The following RXRA variants were observed in gnomAD, a reference collection of about 807,000 sequenced individuals.
RXRA encodes retinoic acid receptor RXR-alpha.
In RXRA, 5 loss-of-function variants were observed where a neutral mutation model predicts 44.5. That is an observed-to-expected ratio of 0.11 (90% CI 0.06 to 0.24). RXRA has a LOEUF of 0.24. Among genes scored for constraint, RXRA ranks in the 10% least tolerant of loss-of-function variants. The pLI is 1.00. For synonymous variants in RXRA, 291 were observed against 271.4 expected, an observed-to-expected ratio of 1.07 and a Z score of -0.71; for missense variants, 412 against 646.5, an observed-to-expected ratio of 0.64 and a Z score of 3.93.
At chr9:134,350,581 TCTGTGCTGTGCC>T (rs1230060906) in intron 1 of RXRA, among the ~76,000 whole-genome samples, 1 of 152,332 alleles carries the variant, frequency 6.6e-6, no homozygotes, top group Non-Finnish European at 1.5e-5. Context: ...TGTGTGGGCC[TCTGTGCTGTGCC>T]CTGTGCTGTG....
intron 1 of RXRA, among the ~76,000 whole-genome samples, chr9:134,346,416 C>A (rs1320548913): frequency 1.3e-5 from 2 of 152,230 alleles, no homozygotes; most frequent in African/African-American, 4.8e-5. Context: ...GGAGCCTCCC[C>A]AGACCCCCAG....
intron 2 of RXRA, among the ~76,000 whole-genome samples, chr9:134,406,852 C>T (rs1017468527): frequency 2.0e-5 from 3 of 152,256 alleles, no homozygotes; most frequent in African/African-American, 7.2e-5. Flanking sequence ...CCGCACCCCT[C>T]TGCAGACGTC....
At chr9:134,381,875 G>T (rs1184383561) in intron 1 of RXRA, among the ~76,000 whole-genome samples, 2 of 152,150 alleles carry the variant, frequency 1.3e-5, no homozygotes, top group Non-Finnish European at 2.9e-5. Flanking sequence ...GGTGTGTGGG[G>T]CCCACAGGAT....
At chr9:134,410,792 A>G (rs1436548185) in intron 4 of RXRA, among the ~76,000 whole-genome samples, 1 of 151,968 alleles carries the variant, frequency 6.6e-6, no homozygotes, top group African/African-American at 2.4e-5. Context: ...AGCCGAGACC[A>G]CTCTCAGATC....
At chr9:134,432,524 C>T (rs576545993) in intron 8 of RXRA, among the ~76,000 whole-genome samples, 74 of 152,304 alleles carry the variant, frequency 4.9e-4, no homozygotes, top group Middle Eastern at 3.4e-3. Flanking sequence ...GCCTCCTGGC[C>T]GACAGTGCGG....
intron 1 of RXRA, 87 bp downstream of exon 1, chr9:134,326,746 C>A: frequency 4.3e-6 from 1 of 233,868 alleles, no homozygotes; most frequent in Non-Finnish European, 6.8e-6. Flanking sequence ...TGGCGGCGCG[C>A]GCGGGGGGTC....
rs1831419343 is a variant in RXRA at position 134,425,560 on chromosome 9, G to GGGGGGT, written c.911-3546_911-3545insGGGTGG. 3 of 728,392 alleles carry GGGGGGT rather than the reference G, an allele frequency of 4.1e-6. No individual in the cohort carries two copies. In the African/African-American group the frequency reaches 6.8e-5, roughly 16 times the overall value. 45.1% of individuals were successfully genotyped at this position (728,392 alleles called of 1,614,324 possible). ...TGGCGGCAGGGTGGGGGGTGGGGGG[G>GGGGGGT]GGTGAGGGGGGTGGGGGGAATGGAA... is the stretch of plus-strand genomic sequence containing the variant. On this transcript the variant is annotated intron_variant, in intron 6 of 9. Coordinates refer to ENST00000481739, the MANE Select transcript of RXRA (RefSeq NM_002957.6).
Position 134,417,633 on chromosome 9 carries a change from C to T in RXRA, c.780+306C>T, listed in dbSNP as rs1337904542. ...TCGGCCACCTCTGCTGGGGCCTCAG[C>T]CGCCGTGTCCCCTCGGAGTTTGGCC... On this transcript the variant is annotated intron_variant, in intron 5 of 9. Transcript: ENST00000481739. This position sits in a 1 kb window ranked among gnomAD's most constrained non-coding sequence, Gnocchi z 6.1. Among the ~76,000 whole-genome samples, 2 of 152,064 alleles carry T rather than the reference C, an allele frequency of 1.3e-5. No individual in the cohort carries two copies. The highest frequency in any genetic ancestry group is 2.9e-5 in the Non-Finnish European group (2 of 67,994).
intron 1 of RXRA, among the ~76,000 whole-genome samples, chr9:134,380,888 CT>C (rs537844012): frequency 2.3e-4 from 34 of 148,888 alleles, no homozygotes; most frequent in East Asian, 7.7e-4. Context: ...GGATCCCCCC[CT>C]GTCAATCTGC....
intron 6 of RXRA, among the ~76,000 whole-genome samples, chr9:134,428,354 CCTAA>C (rs560032263): frequency 1.8e-3 from 243 of 138,092 alleles, no homozygotes; most frequent in Non-Finnish European, 2.6e-3. Context: ...GCTGCTGTTA[CCTAA>C]CTGTCTGCCC....
At position 134,429,191 on chromosome 9, in the gene RXRA, G is replaced by A. The variant is rs777875613; in HGVS notation, c.994G>A (p.Val332Ile). ...GATCCTCCTGGCCACCGGGCTGCAC[G>A]TCCACCGGAACAGCGCCCACAGCGC... Reference protein sequence around the residue: ...DGILLATGLHVHRNSAHSAGV... With the variant: ...DGILLATGLHIHRNSAHSAGV... The change falls in exon 7 of 10, where the codon GTC (valine) becomes ATC (isoleucine). Residue 332 changes from valine (V) to isoleucine (I), a missense_variant. Transcript: ENST00000481739. 2 of 1,612,978 alleles carry A rather than the reference G, an allele frequency of 1.2e-6. No individual in the cohort carries two copies. Among genetic ancestry groups the A allele is most frequent in the Non-Finnish European group, 1.7e-6 (2 of 1,179,946 alleles).
chr9:134,327,189 G>T (rs918065973), intron 1 of RXRA, among the ~76,000 whole-genome samples: 4 of 152,072 alleles, frequency 2.6e-5, no homozygotes, highest in Non-Finnish European at 5.9e-5. Context: ...AGCAGCCCAC[G>T]CCCGGGTGGG....
At chr9:134,357,381 C>T (rs978269114) in intron 1 of RXRA, among the ~76,000 whole-genome samples, 1 of 152,234 alleles carries the variant, frequency 6.6e-6, no homozygotes, top group African/African-American at 2.4e-5. Context: ...GGGGATTGCA[C>T]AGAGCTGATT....
At chr9:134,423,865 C>T (rs1422411254) in intron 6 of RXRA, 12 of 985,306 alleles carry the variant, frequency 1.2e-5, no homozygotes, top group Non-Finnish European at 1.4e-5. Flanking sequence ...TGAGAGAGGG[C>T]GGTGCTCCCA....
rs147626793 is a variant in RXRA at position 134,350,075 on chromosome 9, TA to T, written c.28+23417del. ...CCCGCCAGATGGCTGTGTGTGTGTG[TA>T]GGGGGGGGTGGAAGGTGGGGGTACA... On this transcript the variant is annotated intron_variant, in intron 1 of 9. Coordinates refer to ENST00000481739, the MANE Select transcript of RXRA (RefSeq NM_002957.6). 7.4e-3 allele frequency among the ~76,000 whole-genome samples: 1,076 copies of T among 145,072 alleles called. 13 individuals are homozygous for T. Among genetic ancestry groups the T allele is most frequent in the African/African-American group, 0.025 (994 of 39,418 alleles).
chr9:134,339,066 C>T (rs368649545), intron 1 of RXRA, among the ~76,000 whole-genome samples: 4 of 152,338 alleles, frequency 2.6e-5, no homozygotes, highest in East Asian at 1.9e-4. Flanking sequence ...ACCTAGGTCG[C>T]CGGCCGTGTG....
At chr9:134,361,037 C>T (rs540826531) in intron 1 of RXRA, among the ~76,000 whole-genome samples, 4 of 152,344 alleles carry the variant, frequency 2.6e-5, no homozygotes, top group South Asian at 4.1e-4. Flanking sequence ...CCGGATGTGG[C>T]GAGTGCTGCC....
chr9:134,437,983 C>CGCT lies in RXRA; in HGVS notation c.*1369_*1370insGCT, dbSNP rs35958891. ...CAGCCCAGTGCGGCCTGGCGCTCCT[C>CGCT]CCGCAGGCTCTGCCCCCGGGCTCCG... On this transcript the variant is annotated 3_prime_UTR_variant, in exon 10 of 10. Coordinates refer to ENST00000481739, the MANE Select transcript of RXRA (RefSeq NM_002957.6). 1.3e-5 allele frequency: 2 copies of CGCT among 152,502 alleles called. No individual in the cohort carries two copies. Among genetic ancestry groups the CGCT allele is most frequent in the African/African-American group, 4.8e-5 (2 of 41,456 alleles). 9.4% of individuals were successfully genotyped at this position (152,502 alleles called of 1,614,324 possible).
Position 134,438,837 on chromosome 9 carries a change from T to G in RXRA, c.*2223T>G, listed in dbSNP as rs1831676224. ...GCTGCTTCTTGGGAACTTTGTCGTT[T>G]CCGGCGCTGGCTGGCTGGCTGGCTG... On this transcript the variant is annotated 3_prime_UTR_variant, in exon 10 of 10. Transcript: ENST00000481739. 2 of 47,638 alleles carry G rather than the reference T, an allele frequency of 4.2e-5. No homozygotes were observed. The highest frequency in any genetic ancestry group is 2.0e-3 in the South Asian group (2 of 1,020). 3.0% of individuals were successfully genotyped at this position (47,638 alleles called of 1,614,324 possible).
Sources: allele counts gnomAD v4.1 joint callset (sites outside exome capture counted in the v4.1 genomes callset), GRCh38; gene constraint gnomAD v4.1.1; non-coding constraint Gnocchi (gnomAD v3.1); transcripts MANE v1.5; gene names NCBI Gene and HGNC (gene_info 2026-07-23, HGNC 2026-07-21).